GRM7: variants seen among roughly 807,000 people sequenced by gnomAD.
GRM7 encodes glutamate metabotropic receptor 7, also known as metabotropic glutamate receptor 7.
GRM7 carries 35 observed loss-of-function variants against 84.5 expected under a neutral mutation model. The observed-to-expected ratio is 0.41, with a 90% CI of 0.32 to 0.55. The LOEUF (loss-of-function observed/expected upper bound fraction) is 0.55, where lower values mean the gene tolerates loss of function less well. GRM7 is among the 20% of genes least tolerant of loss of function. The pLI, the probability that GRM7 is intolerant of heterozygous loss-of-function variation, is 0.19. For synonymous variants in GRM7, 487 were observed against 455.1 expected (o/e 1.07, Z -0.89); for missense variants, 1,003 against 1,194.6 (o/e 0.84, Z 2.36).
intron 2 of GRM7, among the ~76,000 whole-genome samples, chr3:7,150,602 T>C (rs1346034559): frequency 1.3e-5 from 2 of 152,248 alleles, no homozygotes; most frequent in Admixed American, 1.3e-4. Context: ...TCTCAGACGA[T>C]GAGGTTTTGT....
chr3:7,358,657 C>T (rs1339817249), intron 4 of GRM7, among the ~76,000 whole-genome samples: 2 of 136,556 alleles, frequency 1.5e-5, no homozygotes, highest in African/African-American at 5.9e-5. Flanking sequence ...CTCTTTTTTG[C>T]AAATAAAACT....
In GRM7 at chr3:7,413,819, A is replaced by G. The variant is rs74459487; in HGVS notation, c.1034-1204A>G. Among the ~76,000 whole-genome samples the G allele has an allele frequency of 8.5e-5, 13 of 152,282 alleles. No homozygotes were observed. The East Asian group carries it at 9.7e-4, about 11-fold the overall frequency. On this transcript the variant is annotated intron_variant, in intron 4 of 9. Coordinates refer to ENST00000357716, the MANE Select transcript of GRM7 (RefSeq NM_000844.4). ...TTGTTGACTGTTGGTGACTAAGACA[A>G]TCTGCTAGGGAACTTGAAAATAATA...
chr3:6,914,078 A>G (rs1696862874), intron 1 of GRM7, among the ~76,000 whole-genome samples: 1 of 152,172 alleles, frequency 6.6e-6, no homozygotes, highest in African/African-American at 2.4e-5. Flanking sequence ...TTTCTGTTCC[A>G]AAGTATCCCC....
intron 1 of GRM7, among the ~76,000 whole-genome samples, chr3:7,059,604 G>A (rs947342090): frequency 6.6e-6 from 1 of 151,530 alleles, no homozygotes; most frequent in Non-Finnish European, 1.5e-5. Flanking sequence ...TGTTCTGCAT[G>A]CTTTCATCTC....
intron 1 of GRM7, among the ~76,000 whole-genome samples, chr3:7,134,579 G>A (rs1420903757): frequency 2.0e-5 from 3 of 152,048 alleles, no homozygotes; most frequent in Non-Finnish European, 4.4e-5. Flanking sequence ...GTCTGGATCA[G>A]GCCATATTAC....
At chr3:7,356,297 A>ATTTTTTTTTTTTTTTTTTTTTTTTTTTTT (rs1011380269) in intron 4 of GRM7, among the ~76,000 whole-genome samples, 1 of 148,932 alleles carries the variant, frequency 6.7e-6, no homozygotes, top group African/African-American at 2.5e-5. Flanking sequence ...GCAGAGGAGG[A>ATTTTTTTTTTTTTTTTTTTTTTTTTTTTT]TTTTTTTTTT....
intron 1 of GRM7, among the ~76,000 whole-genome samples, chr3:7,054,584 C>T (rs892737514): frequency 4.0e-5 from 6 of 151,710 alleles, no homozygotes; most frequent in African/African-American, 1.5e-4. Context: ...TATTATTTCT[C>T]GCAAGTCCTT....
At chr3:6,891,025 G>T (rs1695917136) in intron 1 of GRM7, among the ~76,000 whole-genome samples, 1 of 151,534 alleles carries the variant, frequency 6.6e-6, no homozygotes, top group South Asian at 2.1e-4. Flanking sequence ...TTGGTTTAAA[G>T]TCTGTTTTAT....
Position 6,928,376 on chromosome 3 carries a change from C to T in GRM7, c.519+66469C>T, listed in dbSNP as rs764584520. Among the ~76,000 whole-genome samples the T allele has an allele frequency of 5.3e-5, 8 of 152,182 alleles. No homozygotes were observed. Among genetic ancestry groups the T allele is most frequent in the Non-Finnish European group, 8.8e-5 (6 of 68,042 alleles). On this transcript the variant is annotated intron_variant, in intron 1 of 9. Coordinates refer to ENST00000357716, the MANE Select transcript of GRM7 (RefSeq NM_000844.4). This position sits in a 1 kb window ranked among gnomAD's most constrained non-coding sequence, Gnocchi z 4.5. ...GTCCTGCAGGAAGGTGGCAATGTTA[C>T]TCACACAGTGAATTTGCATTGATAT...
At chr3:7,577,052 C>T (rs1695002579) in intron 7 of GRM7, among the ~76,000 whole-genome samples, 3 of 152,116 alleles carry the variant, frequency 2.0e-5, no homozygotes, top group Admixed American at 2.0e-4. Flanking sequence ...CAGCACTAGC[C>T]ATCTTTTATC....
chr3:7,450,135 G>T (rs1285973076), intron 5 of GRM7, among the ~76,000 whole-genome samples: 2 of 151,872 alleles, frequency 1.3e-5, no homozygotes, highest in Admixed American at 6.6e-5. Context: ...GCTTATTTAT[G>T]AACAGTTTAC....
chr3:7,089,641 CAT>C lies in GRM7; in HGVS notation c.520-56810_520-56809del, dbSNP rs548857569. Among the ~76,000 whole-genome samples the C allele has an allele frequency of 8.0e-4, 122 of 152,220 alleles. 1 individual carries two copies. The highest frequency in any genetic ancestry group is 1.6e-3 in the Non-Finnish European group (106 of 68,014). On this transcript the variant is annotated intron_variant, in intron 1 of 9. Transcript: ENST00000357716. ...TATAGACATTCAGGAAAAACAGTAA[CAT>C]GTGAATTGTCTTAAAAATGTTGTTC...
intron 1 of GRM7, among the ~76,000 whole-genome samples, chr3:6,871,793 G>C (rs781690320): frequency 1.3e-4 from 20 of 151,888 alleles, no homozygotes; most frequent in Non-Finnish European, 2.9e-4. Context: ...TACATTTCTA[G>C]TGTTCAGGGG....
chr3:7,276,488 C>G (rs1397281387), intron 2 of GRM7, among the ~76,000 whole-genome samples: 1 of 151,828 alleles, frequency 6.6e-6, no homozygotes, highest in Non-Finnish European at 1.5e-5. Context: ...AGGAATTATT[C>G]TTCAGTTTAC....
chr3:7,322,035 A>C lies in GRM7; in HGVS notation c.1033+15383A>C, dbSNP rs189275107. On this transcript the variant is annotated intron_variant, in intron 4 of 9. Transcript: ENST00000357716. ...ACATCGTCAATGGTAAAATAAAAAC[A>C]GGATTCCCTTGAAATTAGTTGGGTA... is the stretch of plus-strand genomic sequence containing the variant. Among the ~76,000 whole-genome samples, 244 of 152,266 alleles carry C rather than the reference A, an allele frequency of 1.6e-3. 1 individual carries two copies. The highest frequency in any genetic ancestry group is 5.6e-3 in the African/African-American group (233 of 41,574).
intron 5 of GRM7, among the ~76,000 whole-genome samples, chr3:7,436,399 T>G (rs1697058595): frequency 6.6e-6 from 1 of 152,180 alleles, no homozygotes; most frequent in Non-Finnish European, 1.5e-5. Flanking sequence ...CTTCTTTTCT[T>G]TTTCTTCTAT....
At chr3:7,725,861 A>T (rs529727516) in intron 9 of GRM7, among the ~76,000 whole-genome samples, 7 of 152,202 alleles carry the variant, frequency 4.6e-5, no homozygotes, top group African/African-American at 1.4e-4. Context: ...TAAAAGCTAA[A>T]GTTATAAAAC....
chr3:7,645,509 T>C (rs1048009518), intron 8 of GRM7, among the ~76,000 whole-genome samples: 2 of 123,306 alleles, frequency 1.6e-5, no homozygotes, highest in African/African-American at 6.5e-5. Context: ...GTTGCCCCAC[T>C]ACACTCTAGC....
intron 1 of GRM7, among the ~76,000 whole-genome samples, chr3:7,101,607 T>G (rs1406878661): frequency 1.3e-5 from 2 of 151,388 alleles, no homozygotes; most frequent in East Asian, 3.9e-4. Context: ...ATATTTATTC[T>G]ATTTGACTTT....
Sources: allele counts gnomAD v4.1 joint callset (sites outside exome capture counted in the v4.1 genomes callset), GRCh38; gene constraint gnomAD v4.1.1; non-coding constraint Gnocchi (gnomAD v3.1); transcripts MANE v1.5; gene names NCBI Gene and HGNC (gene_info 2026-07-23, HGNC 2026-07-21).